PRKAG2: variants seen among roughly 807,000 people sequenced by gnomAD.
PRKAG2 encodes protein kinase AMP-activated non-catalytic subunit gamma 2.
Under a neutral mutation model 69.6 loss-of-function variants are expected in PRKAG2, and 26 were observed. The observed-to-expected ratio is 0.37, with a 90% CI of 0.27 to 0.52. The LOEUF (loss-of-function observed/expected upper bound fraction) is 0.52. Ranked by LOEUF, PRKAG2 falls within the 20% of genes least tolerant of loss-of-function variation. The probability of loss-of-function intolerance (pLI) is 0.90; values close to 1 mark genes in which losing one functional copy is unlikely to be tolerated. For missense variants in PRKAG2, 557 were observed against 740.0 expected (o/e 0.75, Z 2.87); for synonymous variants, 293 against 285.0 (o/e 1.03, Z -0.28).
intron 1 of PRKAG2, among the ~76,000 whole-genome samples, chr7:151,799,322 T>C (rs1232086057): frequency 6.6e-6 from 1 of 152,260 alleles, no homozygotes; most frequent in African/African-American, 2.4e-5. Context: ...CATGCTCTTA[T>C]AGCTGCTTCT....
chr7:151,613,471 A>G (rs1291734281), intron 5 of PRKAG2, among the ~76,000 whole-genome samples: 3 of 152,042 alleles, frequency 2.0e-5, no homozygotes, highest in Non-Finnish European at 4.4e-5. Context: ...TAAATCTGAA[A>G]CATTCCCAGT....
At chr7:151,708,011 C>T (rs1433079437) in intron 3 of PRKAG2, among the ~76,000 whole-genome samples, 1 of 152,184 alleles carries the variant, frequency 6.6e-6, no homozygotes, top group Non-Finnish European at 1.5e-5. Flanking sequence ...CCTGCAAAGG[C>T]CCCCGGACAT....
rs1808498766 is a variant in PRKAG2, at chr7:151,574,805, A to C, written c.1005+86T>G. On this transcript the variant is annotated intron_variant, in intron 8 of 15. Coordinates refer to ENST00000287878, the MANE Select transcript of PRKAG2 (RefSeq NM_016203.4). Reference sequence around the variant, plus strand: ...AAAAAAGAAAAAACTGAAAACATTAAAAATCTTAAAATACACACATATACC... The same window carrying C: ...AAAAAAGAAAAAACTGAAAACATTACAAATCTTAAAATACACACATATACC... The C allele has an allele frequency of 8.9e-6, 14 of 1,569,838 alleles. No homozygotes were observed. In the South Asian group the frequency reaches 1.7e-4, roughly 19 times the overall value.
intron 4 of PRKAG2, among the ~76,000 whole-genome samples, chr7:151,660,628 C>T (rs1286959794): frequency 6.6e-6 from 1 of 152,146 alleles, no homozygotes; most frequent in Admixed American, 6.5e-5. Context: ...AGATGACATT[C>T]CTCCAACAAT....
At chr7:151,710,344 G>T (rs534415759) in intron 3 of PRKAG2, among the ~76,000 whole-genome samples, 1 of 151,992 alleles carries the variant, frequency 6.6e-6, no homozygotes, top group Admixed American at 6.6e-5. Flanking sequence ...CTCGCCCCCC[G>T]CCCTGAGGCA....
intron 5 of PRKAG2, among the ~76,000 whole-genome samples, chr7:151,623,856 A>T (rs185220193): frequency 6.6e-6 from 1 of 152,170 alleles, no homozygotes; most frequent in Non-Finnish European, 1.5e-5. Context: ...AGTCAACGTG[A>T]AGACTGAGAG....
intron 4 of PRKAG2, among the ~76,000 whole-genome samples, chr7:151,639,363 C>T (rs762697941): frequency 1.3e-5 from 2 of 152,092 alleles, no homozygotes; most frequent in Non-Finnish European, 2.9e-5. Flanking sequence ...AGCCAGAGTG[C>T]CTATGATGGT....
At chr7:151,830,964 C>T (rs968685323) in intron 1 of PRKAG2, among the ~76,000 whole-genome samples, 3 of 151,576 alleles carry the variant, frequency 2.0e-5, no homozygotes, top group Non-Finnish European at 4.4e-5. Context: ...CACGAATGAC[C>T]AATAAGTATA....
At chr7:151,604,789 G>A (rs755988394) in intron 5 of PRKAG2, among the ~76,000 whole-genome samples, 1 of 152,022 alleles carries the variant, frequency 6.6e-6, no homozygotes, top group South Asian at 2.1e-4. Flanking sequence ...GCATCTCCTC[G>A]GGCTCCTCCT....
At chr7:151,869,654 A>G (rs1319416096) in intron 1 of PRKAG2, among the ~76,000 whole-genome samples, 1 of 152,214 alleles carries the variant, frequency 6.6e-6, no homozygotes, top group Non-Finnish European at 1.5e-5. Context: ...GTGATCACGC[A>G]TCACTGTCTA....
At chr7:151,652,651 CT>C (rs1407042445) in intron 4 of PRKAG2, among the ~76,000 whole-genome samples, 1 of 152,058 alleles carries the variant, frequency 6.6e-6, no homozygotes, top group Non-Finnish European at 1.5e-5. Flanking sequence ...CATTGGGTCT[CT>C]TTTTTCTTTT....
chr7:151,564,268 T>A, intron 13 of PRKAG2, 44 bp from the exon 14 acceptor site: 1 of 1,609,690 alleles, frequency 6.2e-7, no homozygotes, highest in Non-Finnish European at 8.5e-7. Flanking sequence ...TCATTTCAGT[T>A]CACTTCAATG....
chr7:151,724,461 A>T (rs1797604329), intron 3 of PRKAG2, among the ~76,000 whole-genome samples: 1 of 152,036 alleles, frequency 6.6e-6, no homozygotes, highest in Admixed American at 6.5e-5. Flanking sequence ...GAAGGGGGTG[A>T]CTGGTGACTT....
chr7:151,758,242 C>G (rs1251735107), intron 3 of PRKAG2, among the ~76,000 whole-genome samples: 2 of 152,144 alleles, frequency 1.3e-5, no homozygotes, highest in African/African-American at 4.8e-5. Context: ...CCCCATCAGA[C>G]AAGATGCCAT....
rs1023385515 is a variant in PRKAG2, at chr7:151,777,907, A to G, written c.466+3245T>C. On this transcript the variant is annotated intron_variant, in intron 3 of 15. Transcript: ENST00000287878. This position sits in a 1 kb window ranked among gnomAD's most constrained non-coding sequence, Gnocchi z 4.3. ...GGGCTAACATGCAGGTGTAGTTTCT[A>G]TGATCTCGTACTGCTCTGGGGTCAT... Among the ~76,000 whole-genome samples the G allele has an allele frequency of 2.0e-5, 3 of 152,188 alleles. No homozygotes were observed. Among genetic ancestry groups the G allele is most frequent in the African/African-American group, 7.2e-5 (3 of 41,436 alleles).
intron 3 of PRKAG2, among the ~76,000 whole-genome samples, chr7:151,734,739 G>A (rs1799489193): frequency 6.6e-6 from 1 of 151,780 alleles, no homozygotes; most frequent in Admixed American, 6.6e-5. Flanking sequence ...TTTGTAGAGA[G>A]AAGGTCTCAT....
Position 151,557,188 on chromosome 7 carries a change from A to G in PRKAG2, c.*13T>C. The G allele has an allele frequency of 6.2e-7, 1 of 1,614,182 alleles. No individual in the cohort carries two copies. The highest frequency in any genetic ancestry group is 8.5e-7 in the Non-Finnish European group (1 of 1,180,026). On this transcript the variant is annotated 3_prime_UTR_variant, in exon 16 of 16. Transcript: ENST00000287878. Reference sequence around the variant, plus strand: ...TTCAAGTTCTCCTCCTAGGGCGTCTACATTCACGGCGGTCACTCCGTTTCT... The same window carrying G: ...TTCAAGTTCTCCTCCTAGGGCGTCTGCATTCACGGCGGTCACTCCGTTTCT...
rs188353405 is a variant in PRKAG2, at chr7:151,808,963, G to A, written c.115-22422C>T. Among the ~76,000 whole-genome samples the A allele has an allele frequency of 2.6e-5, 4 of 152,280 alleles. No homozygotes were observed. The East Asian group carries it at 5.8e-4, about 22-fold the overall frequency. ...CCTGGTGGGAGCACGGTTCTCTCCC[G>A]CGCTCCCCCTCCTCCCCACTCCACG... On this transcript the variant is annotated intron_variant, in intron 1 of 15. Coordinates refer to ENST00000287878, the MANE Select transcript of PRKAG2 (RefSeq NM_016203.4).
intron 5 of PRKAG2, among the ~76,000 whole-genome samples, chr7:151,597,963 T>C (rs1010541856): frequency 6.6e-6 from 1 of 152,118 alleles, no homozygotes; most frequent in African/African-American, 2.4e-5. Flanking sequence ...ACCGGGTATA[T>C]ACCCAAAGGA....
Sources: gnomAD v4.1 joint callset for allele counts (sites outside exome capture counted in the v4.1 genomes callset) on GRCh38, gnomAD v4.1.1 for gene constraint, Gnocchi (gnomAD v3.1) non-coding constraint, MANE v1.5 for transcripts, NCBI Gene and HGNC (gene_info 2026-07-23, HGNC 2026-07-21) for gene names.